Variants in RANBP10 observed in about 807,000 individuals in gnomAD.
RANBP10 encodes RAN binding protein 10.
In RANBP10, 24 loss-of-function variants were observed where a neutral mutation model predicts 72.8. The observed-to-expected ratio is 0.33, with a 90% CI of 0.24 to 0.46. RANBP10 has a LOEUF of 0.46. Among genes scored for constraint, RANBP10 ranks in the 20% least tolerant of loss-of-function variants. RANBP10 has a pLI of 1.00. For missense variants in RANBP10, 679 were observed against 817.5 expected, an observed-to-expected ratio of 0.83 and a Z score of 2.07; for synonymous variants, 310 against 322.3, an observed-to-expected ratio of 0.96 and a Z score of 0.41.
In RANBP10 at chr16:67,806,463, C is replaced by G; in HGVS notation, c.74G>C (p.Gly25Ala). 1 of 1,557,018 alleles carries G rather than the reference C, an allele frequency of 6.4e-7. No individual in the cohort carries two copies. The highest frequency in any genetic ancestry group is 8.6e-7 in the Non-Finnish European group (1 of 1,156,104). Residue 25 changes from glycine to alanine, a missense_variant, in exon 1 of 14, where the codon GGC (glycine) becomes GCC (alanine). Transcript: ENST00000317506. ...PGDSSGGGAG[G>A]GLPSPGEQEL... ...CTGCTCCCCAGGGGACGGCAGCCCG[C>G]CCCCAGCGCCCCCGCCGGAGGAGTC...
At chr16:67,763,409 G>A (rs561218962) in intron 3 of RANBP10, 7 of 152,338 alleles carry the variant, frequency 4.6e-5, no homozygotes, top group African/African-American at 1.4e-4. Context: ...ACGAGGATCC[G>A]GTTTTTGCAG....
chr16:67,775,790 TAAA>T (rs34379359), intron 2 of RANBP10, among the ~76,000 whole-genome samples: 31 of 76,740 alleles, frequency 4.0e-4, no homozygotes, highest in African/African-American at 1.1e-3. Context: ...AGACTCCGTC[TAAA>T]AAAAAAAAAA....
At chr16:67,765,101 C>G (rs1330859979) in intron 3 of RANBP10, among the ~76,000 whole-genome samples, 1 of 140,070 alleles carries the variant, frequency 7.1e-6, no homozygotes, top group Non-Finnish European at 1.5e-5. Flanking sequence ...CTTTGGGAGG[C>G]TGAGGCAGGA....
chr16:67,750,187 A>T (rs560655483), intron 3 of RANBP10, among the ~76,000 whole-genome samples: 1 of 152,186 alleles, frequency 6.6e-6, no homozygotes, highest in African/African-American at 2.4e-5. Context: ...TCCACTGCTT[A>T]TGTGGCCATG....
At chr16:67,794,137 C>G (rs1422784836) in intron 2 of RANBP10, among the ~76,000 whole-genome samples, 1 of 152,178 alleles carries the variant, frequency 6.6e-6, no homozygotes, top group Non-Finnish European at 1.5e-5. Context: ...TCCGTCTTGG[C>G]CTTCCAAAGT....
chr16:67,735,376 G>A (rs755763085), intron 5 of RANBP10, among the ~76,000 whole-genome samples: 2 of 152,186 alleles, frequency 1.3e-5, no homozygotes, highest in Non-Finnish European at 2.9e-5. Flanking sequence ...CCCTTCAGAC[G>A]TGCCCATGAA....
intron 2 of RANBP10, among the ~76,000 whole-genome samples, chr16:67,790,051 G>A (rs767922921): frequency 6.6e-6 from 1 of 151,034 alleles, no homozygotes; most frequent in Non-Finnish European, 1.5e-5. Flanking sequence ...AGCCGAGATC[G>A]CACCACTGCA....
intron 3 of RANBP10, among the ~76,000 whole-genome samples, chr16:67,767,798 G>A (rs889003586): frequency 1.1e-4 from 16 of 152,046 alleles, no homozygotes; most frequent in African/African-American, 2.4e-4. Flanking sequence ...GGATTTCACC[G>A]TGTTAGCCAG....
At chr16:67,788,722 C>G (rs770424940) in intron 2 of RANBP10, among the ~76,000 whole-genome samples, 5 of 151,666 alleles carry the variant, frequency 3.3e-5, no homozygotes, top group Non-Finnish European at 7.4e-5. Context: ...TCAGGCAGGA[C>G]GCGCACAGTG....
rs115321207 is a variant in RANBP10, at chr16:67,749,752, C to T, written c.401-5297G>A. Among the ~76,000 whole-genome samples the T allele has an allele frequency of 3.0e-3, 453 of 152,322 alleles. 1 individual carries two copies. The highest frequency in any genetic ancestry group is 0.011 in the African/African-American group (442 of 41,574). On this transcript the variant is annotated intron_variant, in intron 3 of 13. Transcript: ENST00000317506. The stretch of plus-strand genomic sequence containing the variant: ...ACAGTCAAGGCCTTTTCTCAGGCAT[C>T]AACTCGGGAGACACTATGGCTCCTG...
At chr16:67,734,114 G>A (rs1290948250) in intron 6 of RANBP10, among the ~76,000 whole-genome samples, 4 of 152,216 alleles carry the variant, frequency 2.6e-5, no homozygotes. Context: ...AACTCAGTGT[G>A]TACCCCAACC....
chr16:67,750,803 G>A (rs1210951361), intron 3 of RANBP10, among the ~76,000 whole-genome samples: 1 of 112,356 alleles, frequency 8.9e-6, no homozygotes, highest in African/African-American at 3.5e-5. Flanking sequence ...GTCTCACTCT[G>A]TTGCCCAGGC....
rs1567672753 is a variant in RANBP10 at position 67,729,923 on chromosome 16, G to T, written c.998+15C>A. 1.2e-6 allele frequency: 2 copies of T among 1,613,598 alleles called. No homozygotes were observed. Among genetic ancestry groups the T allele is most frequent in the African/African-American group, 1.3e-5 (1 of 75,034 alleles). On this transcript the variant is annotated intron_variant, in intron 8 of 13. Transcript: ENST00000317506. The surrounding 1 kb of genome is among the most constrained non-coding windows in gnomAD (Gnocchi z 7.1). ...GGGCTGGACTCTGGGGGAGCTGGGG[G>T]TGCCCAAGACTTACTTGAGCATGAA...
intron 2 of RANBP10, among the ~76,000 whole-genome samples, chr16:67,789,234 T>C (rs957080149): frequency 6.9e-6 from 1 of 144,476 alleles, no homozygotes; most frequent in Non-Finnish European, 1.5e-5. Context: ...AGCTTGAACC[T>C]GGGAGGTAGA....
chr16:67,806,296 C>G lies in RANBP10; in HGVS notation c.235+6G>C, dbSNP rs374727077. The G allele has an allele frequency of 1.8e-4, 288 of 1,606,804 alleles. No individual in the cohort carries two copies. Among genetic ancestry groups the G allele is most frequent in the Non-Finnish European group, 2.2e-4 (256 of 1,176,314 alleles). ...CTTAATTCCCCCCAGCCTGACGGGC[C>G]GATACCTTTGTAGTGGACGCGGAGG... On this transcript the variant is annotated splice_donor_region_variant and intron_variant, in intron 1 of 13. Coordinates refer to ENST00000317506, the MANE Select transcript of RANBP10 (RefSeq NM_020850.3).
chr16:67,771,423 G>A (rs1007707491), intron 3 of RANBP10, among the ~76,000 whole-genome samples: 22 of 151,672 alleles, frequency 1.5e-4, no homozygotes, highest in African/African-American at 4.6e-4. Context: ...TCAGCTCACT[G>A]CAACCTCCAC....
chr16:67,797,860 TG>T (rs2055160731), intron 2 of RANBP10, among the ~76,000 whole-genome samples: 1 of 151,508 alleles, frequency 6.6e-6, no homozygotes, highest in African/African-American at 2.4e-5. Flanking sequence ...CATGATGGCA[TG>T]CACCTGTAGT....
chr16:67,790,100 TA>T (rs968491726), intron 2 of RANBP10, among the ~76,000 whole-genome samples: 199 of 137,862 alleles, frequency 1.4e-3, no homozygotes, highest in Admixed American at 1.4e-3. Flanking sequence ...TGTCTCAAAT[TA>T]AAAAAAAAAA....
At chr16:67,759,372 C>T (rs537668708) in intron 3 of RANBP10, among the ~76,000 whole-genome samples, 1 of 152,330 alleles carries the variant, frequency 6.6e-6, no homozygotes, top group Non-Finnish European at 1.5e-5. Context: ...CCTCCTGTGT[C>T]ATGAGCCCTT....
Sources: gnomAD v4.1 joint callset for allele counts (sites outside exome capture counted in the v4.1 genomes callset) on GRCh38, gnomAD v4.1.1 for gene constraint, Gnocchi (gnomAD v3.1) non-coding constraint, MANE v1.5 for transcripts, NCBI Gene and HGNC (gene_info 2026-07-23, HGNC 2026-07-21) for gene names.